Variants in MCF2 observed in about 807,000 individuals in gnomAD.
The protein encoded by MCF2 is MCF.2 cell line derived transforming sequence, also known as proto-oncogene DBL.
MCF2 carries 44 observed loss-of-function variants against 82.5 expected under a neutral mutation model. The observed-to-expected ratio is 0.53, with a 90% CI of 0.42 to 0.69. MCF2 has a LOEUF of 0.69. Among genes scored for constraint, MCF2 ranks in the 30% least tolerant of loss-of-function variants. The pLI is 0.00. For synonymous variants in MCF2, 217 were observed against 224.9 expected, an observed-to-expected ratio of 0.96 and a Z score of 0.32; for missense variants, 623 against 663.1, an observed-to-expected ratio of 0.94 and a Z score of 0.66.
At chrX:139,650,124 A>G (rs1366532928) in intron 2 of MCF2, among the ~76,000 whole-genome samples, 3 of 111,547 alleles carry the variant, frequency 2.7e-5, no homozygotes, top group African/African-American at 6.5e-5. Context: ...AGAAGCCAGG[A>G]TAGGAGGATC....
chrX:139,619,728 G>C, intron 6 of MCF2, 22 bp from the exon 10 acceptor site: 6 of 1,086,469 alleles, frequency 5.5e-6, no homozygotes, highest in Non-Finnish European at 7.3e-6. Context: ...AAACAAAGAG[G>C]TTTTAAAAAC....
chrX:139,692,546 AAG>A (rs1350289860), intron 1 of MCF2, among the ~76,000 whole-genome samples: 2 of 111,886 alleles, frequency 1.8e-5, no homozygotes, highest in African/African-American at 6.5e-5. Context: ...AAGGAGCTAA[AAG>A]AGAGAATTTC....
chrX:139,640,909 A>C (rs770166008), intron 1 of MCF2, among the ~76,000 whole-genome samples: 46 of 110,502 alleles, frequency 4.2e-4, no homozygotes, highest in African/African-American at 1.5e-3. Context: ...TTAACACCCA[A>C]ACATATGCCA....
chrX:139,610,374 G>A (rs1368823729), intron 10 of MCF2, 36 bp from the exon 15 acceptor site: 2 of 998,906 alleles, frequency 2.0e-6, no homozygotes, highest in African/African-American at 3.8e-5. Context: ...TTTCAAACCA[G>A]AATTAAAGTC....
intron 10 of MCF2, 150 bp downstream of exon 14, chrX:139,613,066 T>C (rs569596473): frequency 6.4e-5 from 26 of 404,555 alleles, no homozygotes; most frequent in African/African-American, 5.8e-4. Context: ...AAGAGAATAA[T>C]GGATGGTTAT....
At chrX:139,623,333 C>A (rs914834153) in intron 6 of MCF2, among the ~76,000 whole-genome samples, 2 of 111,711 alleles carry the variant, frequency 1.8e-5, no homozygotes, top group Non-Finnish European at 3.8e-5. Context: ...AACCCAGGTG[C>A]CCATCAATGA....
chrX:139,646,412 C>T (rs1018970064), upstream of MCF2, among the ~76,000 whole-genome samples: 1 of 111,991 alleles, frequency 8.9e-6, no homozygotes, highest in Non-Finnish European at 1.9e-5. Context: ...ATTGAATCTA[C>T]TTAAGATTCA....
chrX:139,626,108 C>A, intron 6 of MCF2, 85 bp downstream of exon 9: 1 of 514,314 alleles, frequency 1.9e-6, no homozygotes, highest in Non-Finnish European at 3.1e-6. Context: ...AAATGGGCAT[C>A]TTGCAAGGCA....
intron 1 of MCF2, among the ~76,000 whole-genome samples, chrX:139,682,622 G>A (rs867094101): frequency 4.6e-4 from 52 of 112,264 alleles, no homozygotes; most frequent in African/African-American, 1.6e-3. Context: ...CTGCCACAGG[G>A]AGGATAACTA....
rs190834587 is a variant in MCF2, at chrX:139,607,813, C to G, written c.1402-34G>C. 3 of 966,722 alleles carry G rather than the reference C, an allele frequency of 3.1e-6. No individual in the cohort carries two copies. The Admixed American group carries it at 7.1e-5, about 23-fold the overall frequency. 79.7% of individuals were successfully genotyped at this position (966,722 alleles called of 1,213,427 possible). A position where few individuals can be genotyped will look rare whatever the true frequency, so the allele number is the denominator to read the frequency against. On this transcript the variant is annotated intron_variant, in intron 11 of 24. Coordinates refer to ENST00000370576, the Ensembl canonical transcript of MCF2. Reference sequence around the variant, plus strand: ...CAGAAAATAAAAGTTAAATTAGCACCTCTGTAGGTATAATTTTTCTTCAAG... The same window carrying G: ...CAGAAAATAAAAGTTAAATTAGCACGTCTGTAGGTATAATTTTTCTTCAAG...
intron 7 of MCF2, among the ~76,000 whole-genome samples, chrX:139,618,343 G>T (rs1389595842): frequency 9.0e-6 from 1 of 110,979 alleles, no homozygotes; most frequent in African/African-American, 3.3e-5. Flanking sequence ...GGTTTAAAAT[G>T]GAGAGCTGTT....
At chrX:139,582,328 T>C (rs952470634) in exon 25 of MCF2, 3 of 559,820 alleles carry the variant, frequency 5.4e-6, no homozygotes, top group African/African-American at 2.3e-5. Flanking sequence ...AAAAGAAGTA[T>C]GTGCTGTGGT....
At chrX:139,603,037 T>A (rs1930683245) in intron 15 of MCF2, among the ~76,000 whole-genome samples, 1 of 112,115 alleles carries the variant, frequency 8.9e-6, no homozygotes, top group Non-Finnish European at 1.9e-5. Context: ...TTATCTCTTC[T>A]ATACAACCAT....
At chrX:139,588,641 AC>A (rs1347801315) in intron 20 of MCF2, among the ~76,000 whole-genome samples, 1 of 110,886 alleles carries the variant, frequency 9.0e-6, no homozygotes, top group African/African-American at 3.3e-5. Context: ...TACAGTCAGA[AC>A]CATTTTTGCT....
chrX:139,670,795 T>C (rs766458088), intron 1 of MCF2, among the ~76,000 whole-genome samples: 4 of 112,132 alleles, frequency 3.6e-5, no homozygotes, highest in East Asian at 5.6e-4. Context: ...GTCTTTATAG[T>C]AGCATGATTT....
chrX:139,691,998 A>G lies in MCF2; in HGVS notation c.-45+16108T>C, dbSNP rs1482550008. ...CCTCACGCGCTGCAGGGCCATGGCCATGTCCACCTGCAGAGGGATCGCCTG... is the reference window on the plus strand; with the variant it reads ...CCTCACGCGCTGCAGGGCCATGGCCGTGTCCACCTGCAGAGGGATCGCCTG... On this transcript the variant is annotated intron_variant, in intron 1 of 27. Transcript: ENST00000414978. The G allele has an allele frequency of 5.1e-6, 6 of 1,166,071 alleles. No homozygotes were observed. In the Admixed American group the frequency reaches 1.0e-4, roughly 20 times the overall value.
rs1237501273 is a variant in MCF2 at position 139,693,860 on chromosome X, A to G, written c.-45+14246T>C. Among the ~76,000 whole-genome samples the G allele has an allele frequency of 8.0e-5, 9 of 112,480 alleles. No homozygotes were observed. The Admixed American group carries it at 8.4e-4, about 11-fold the overall frequency. On this transcript the variant is annotated intron_variant, in intron 1 of 27. Transcript: ENST00000414978. Reference sequence around the variant, plus strand: ...AATCTAACAATGGGAAAGAGTTTCCATAGCATAATTTAAAAATGAGATTGA... The same window carrying G: ...AATCTAACAATGGGAAAGAGTTTCCGTAGCATAATTTAAAAATGAGATTGA...
chrX:139,629,610 A>G, intron 4 of MCF2, 85 bp downstream of exon 7: 1 of 861,731 alleles, frequency 1.2e-6, no homozygotes, highest in Non-Finnish European at 1.7e-6. Context: ...CCCTTATGCA[A>G]CAGTCAGTGT....
chrX:139,588,166 T>A lies in MCF2; in HGVS notation c.2449+194A>T, dbSNP rs764506070. 2.7e-5 allele frequency among the ~76,000 whole-genome samples: 3 copies of A among 111,769 alleles called. No individual in the cohort carries two copies. The South Asian group carries it at 1.1e-3, about 42-fold the overall frequency. On this transcript the variant is annotated intron_variant, in intron 21 of 24. Transcript: ENST00000370576. Reference sequence around the variant, plus strand: ...TTAAGCACAAGGGTTCATTTTCTAGTGTAAAGTTCATTCTTCAAAATAGTT... The same window carrying A: ...TTAAGCACAAGGGTTCATTTTCTAGAGTAAAGTTCATTCTTCAAAATAGTT...
Sources: allele counts gnomAD v4.1 joint callset (sites outside exome capture counted in the v4.1 genomes callset), GRCh38; gene constraint gnomAD v4.1.1; transcripts MANE v1.5; gene names NCBI Gene and HGNC (gene_info 2026-07-23, HGNC 2026-07-21).